Variants in TOP3A observed in about 807,000 individuals in gnomAD.
TOP3A encodes the protein DNA topoisomerase 3-alpha.
In TOP3A, 64 loss-of-function variants were observed where a neutral mutation model predicts 111.3. That is an observed-to-expected ratio of 0.57 (90% CI 0.47 to 0.71). The LOEUF (loss-of-function observed/expected upper bound fraction) is 0.71. TOP3A is among the 30% of genes least tolerant of loss of function. The probability of loss-of-function intolerance (pLI) is 0.00; values close to 1 mark genes in which losing one functional copy is unlikely to be tolerated. For synonymous variants in TOP3A, 484 were observed against 485.1 expected, an observed-to-expected ratio of 1.00 and a Z score of 0.03; for missense variants, 1,104 against 1,285.0, an observed-to-expected ratio of 0.86 and a Z score of 2.15.
intron 13 of TOP3A, among the ~76,000 whole-genome samples, chr17:18,286,551 T>A (rs1188398446): frequency 6.6e-6 from 1 of 151,752 alleles, no homozygotes; most frequent in East Asian, 1.9e-4. Flanking sequence ...AAAAAACCAG[T>A]GAAATAGCAG....
rs1445241137 is a variant in TOP3A, at chr17:18,299,647, A to G, written c.916-14T>C. The G allele has an allele frequency of 6.2e-7, 1 of 1,612,780 alleles. No homozygotes were observed. The highest frequency in any genetic ancestry group is 1.1e-5 in the South Asian group (1 of 91,052). On this transcript the variant is annotated splice_polypyrimidine_tract_variant and intron_variant, in intron 8 of 18. Transcript: ENST00000321105. Reference sequence around the variant, plus strand: ...TGCCATGGGATCCTAGAAAGCCAGGAAAGAAAAGACCATGTTAACCTGTTA... The same window carrying G: ...TGCCATGGGATCCTAGAAAGCCAGGGAAGAAAAGACCATGTTAACCTGTTA...
chr17:18,280,377 AC>A, intron 17 of TOP3A, 158 bp downstream of exon 17: 1 of 765,660 alleles, frequency 1.3e-6, no homozygotes, highest in South Asian at 1.9e-5. Context: ...ACACAACAGA[AC>A]TGGACCAGCC....
chr17:18,308,626 G>T (rs928936024), intron 2 of TOP3A: 2 of 488,664 alleles, frequency 4.1e-6, no homozygotes, highest in South Asian at 3.9e-5. Context: ...TATAACTGAC[G>T]CCTCTTGCAT....
At chr17:18,280,338 C>G (rs1365717772) in intron 17 of TOP3A, 198 bp downstream of exon 17, 2 of 521,654 alleles carry the variant, frequency 3.8e-6, no homozygotes, top group Non-Finnish European at 6.7e-6. Context: ...CAAACAGGGT[C>G]ATACCTGCCA....
chr17:18,275,661 C>G (rs1186112185), intron 18 of TOP3A, among the ~76,000 whole-genome samples: 2 of 141,068 alleles, frequency 1.4e-5, no homozygotes, highest in Non-Finnish European at 3.1e-5. Context: ...CGTGCCCGGC[C>G]TTTTTTTTTT....
chr17:18,281,735 A>G (rs1979772379), intron 16 of TOP3A, among the ~76,000 whole-genome samples: 1 of 152,146 alleles, frequency 6.6e-6, no homozygotes, highest in Non-Finnish European at 1.5e-5. Flanking sequence ...TGGGCCAGCC[A>G]GGTTAATGAT....
chr17:18,302,073 T>C (rs1251519943), intron 7 of TOP3A, 88 bp from the exon 8 acceptor site: 4 of 1,427,710 alleles, frequency 2.8e-6, no homozygotes, highest in Non-Finnish European at 3.9e-6. Context: ...GTGGTGAAAG[T>C]CAAACGAATA....
chr17:18,281,587 A>G (rs1979761671), intron 16 of TOP3A, among the ~76,000 whole-genome samples: 1 of 152,192 alleles, frequency 6.6e-6, no homozygotes, highest in South Asian at 2.1e-4. Flanking sequence ...TTAAGTGCTG[A>G]AATATACGCC....
In TOP3A at chr17:18,292,646, T is replaced by C. The variant is rs1458278374; in HGVS notation, c.1280A>G (p.Gln427Arg). ...IHPTKYTNNL[Q>R]GDEQRLYEFI... ...GGCAGTACATTCAGGGAAACCAACC[T>C]GTAAGTTGTTGGTGTATTTGGTGGG... The change falls in exon 11 of 19, where the codon CAG (glutamine) becomes CGG (arginine). Residue 427 changes from glutamine to arginine, a missense_variant and splice_region_variant. Coordinates refer to ENST00000321105, the MANE Select transcript of TOP3A (RefSeq NM_004618.5). 2 of 1,558,722 alleles carry C rather than the reference T, an allele frequency of 1.3e-6. No individual in the cohort carries two copies. The highest frequency in any genetic ancestry group is 3.7e-5 in the Admixed American group (2 of 54,004).
rs746560681 is a variant in TOP3A, at chr17:18,278,279, G to A, written c.2223C>T (p.Asp741=). The change falls in exon 18 of 19, where the codon GAC becomes GAT. Residue 741 remains aspartate, a synonymous_variant. Coordinates refer to ENST00000321105, the MANE Select transcript of TOP3A (RefSeq NM_004618.5). ...GGTCCAGGATCTCCCTCAGGGTGTC[G>A]TCGCATCCGCCGATGCAGCAAACAA... ...LEFVCCIGGC[D]DTLREILDLR... The A allele has an allele frequency of 6.5e-6, 10 of 1,533,656 alleles. No individual in the cohort carries two copies. Among genetic ancestry groups the A allele is most frequent in the African/African-American group, 4.1e-5 (3 of 72,372 alleles).
At chr17:18,297,844 C>T (rs1170889259) in intron 9 of TOP3A, among the ~76,000 whole-genome samples, 1 of 151,452 alleles carries the variant, frequency 6.6e-6, no homozygotes, top group East Asian at 1.9e-4. Flanking sequence ...CCGGCCGCCA[C>T]CCCATCTGGG....
At position 18,274,896 on chromosome 17, in the gene TOP3A, G is replaced by A. The variant is rs751411991; in HGVS notation, c.2912C>T (p.Ser971Phe). The A allele has an allele frequency of 5.0e-6, 8 of 1,614,058 alleles. No homozygotes were observed. Among genetic ancestry groups the A allele is most frequent in the Middle Eastern group, 3.3e-4 (2 of 6,082 alleles). Residue 971 changes from serine to phenylalanine, a missense_variant, in exon 19 of 19, where the codon TCC (serine) becomes TTC (phenylalanine). Ser to Phe is a radical substitution (Grantham distance 155). Coordinates refer to ENST00000321105, the MANE Select transcript of TOP3A (RefSeq NM_004618.5). Reference protein sequence around the residue: ...EARSKRPRASSSDMGSTAKKP... With the variant: ...EARSKRPRASFSDMGSTAKKP... ...CTTTGCTGTGGACCCCATGTCTGAG[G>A]AACTGGCCCGGGGCCTTTTGCTTCT... is the stretch of plus-strand genomic sequence containing the variant.
chr17:18,297,443 T>G (rs372736955), intron 9 of TOP3A, among the ~76,000 whole-genome samples: 3 of 150,424 alleles, frequency 2.0e-5, no homozygotes, highest in East Asian at 4.0e-4. Context: ...TCCCTGTCCC[T>G]CTCCCTCTCC....
rs1981251244 is a variant in TOP3A at position 18,301,908 on chromosome 17, C to G, written c.892G>C (p.Val298Leu). Residue 298 changes from valine (V) to leucine (L), a missense_variant, in exon 8 of 19, where the codon GTT (valine) becomes CTT (leucine). Val to Leu is a conservative substitution (Grantham distance 32). Transcript: ENST00000321105. The stretch of plus-strand genomic sequence containing the variant: ...ACCTCCACACACAACTGATAGAGAA[C>G]TAGGCAAGCCGTGTGGTTAAAGAGT... ...HRLFNHTACL[V>L]LYQLCVEDPM... The G allele has an allele frequency of 6.2e-7, 1 of 1,614,170 alleles. No individual in the cohort carries two copies. The highest frequency in any genetic ancestry group is 8.5e-7 in the Non-Finnish European group (1 of 1,180,016).
chr17:18,307,655 G>T, intron 3 of TOP3A: 1 of 151,830 alleles, frequency 6.6e-6, no homozygotes, highest in East Asian at 1.9e-4. Flanking sequence ...AGTGGCTCAC[G>T]CCTGTAATCC....
chr17:18,294,830 A>C, intron 9 of TOP3A, 45 bp from the exon 10 acceptor site: 1 of 1,314,716 alleles, frequency 7.6e-7, no homozygotes, highest in Non-Finnish European at 1.1e-6. Context: ...TGCATGGGTC[A>C]GGCAGCACAA....
intron 15 of TOP3A, among the ~76,000 whole-genome samples, chr17:18,283,830 C>T (rs73289939): frequency 0.11 from 16,897 of 152,180 alleles, 1,039 homozygotes; most frequent in South Asian, 0.18. Context: ...AAACACTTTA[C>T]TTATGCTTAC....
Position 18,290,599 on chromosome 17 carries a change from T to G in TOP3A, c.1555A>C (p.Thr519Pro). The change falls in exon 13 of 19, where the codon ACC (threonine) becomes CCC (proline). Residue 519 changes from threonine to proline, a missense_variant. Physicochemically the swap from Thr to Pro is conservative, Grantham distance 38. Coordinates refer to ENST00000321105, the MANE Select transcript of TOP3A (RefSeq NM_004618.5). Reference protein sequence around the residue: ...DGETSPPKLLTEADLIALMEK... With the variant: ...DGETSPPKLLPEADLIALMEK... ...ATGAGGGCAATGAGGTCGGCCTCGG[T>G]GAGCAGCTTGGGTGGGCTGGTCTCC... 6.2e-7 allele frequency: 1 copy of G among 1,609,948 alleles called. No individual in the cohort carries two copies. Among genetic ancestry groups the G allele is most frequent in the Non-Finnish European group, 8.5e-7 (1 of 1,177,574 alleles).
At chr17:18,278,998 T>C (rs993282276) in intron 17 of TOP3A, among the ~76,000 whole-genome samples, 33 of 152,280 alleles carry the variant, frequency 2.2e-4, no homozygotes, top group African/African-American at 6.7e-4. Context: ...TAAGAGGTTA[T>C]GTCTATTTTG....
Sources: allele counts gnomAD v4.1 joint callset (sites outside exome capture counted in the v4.1 genomes callset), GRCh38; gene constraint gnomAD v4.1.1; transcripts MANE v1.5; gene names NCBI Gene and HGNC (gene_info 2026-07-23, HGNC 2026-07-21).